The following SMOC2 variants were observed in gnomAD, a reference collection of about 807,000 sequenced individuals.
SMOC2 encodes SPARC related modular calcium binding 2, also known as SPARC-related modular calcium-binding protein 2.
Under a neutral mutation model 61.4 loss-of-function variants are expected in SMOC2, and 39 were observed. That is an observed-to-expected ratio of 0.64 (90% CI 0.49 to 0.83). SMOC2 has a LOEUF of 0.83. SMOC2 is among the 40% of genes least tolerant of loss of function. SMOC2 has a pLI of 0.00. For missense variants in SMOC2, 556 were observed against 592.9 expected (o/e 0.94, Z 0.65); for synonymous variants, 247 against 239.9 (o/e 1.03, Z -0.27).
At chr6:168,506,915 G>A (rs1782884363) in intron 1 of SMOC2, among the ~76,000 whole-genome samples, 1 of 152,170 alleles carries the variant, frequency 6.6e-6, no homozygotes, top group South Asian at 2.1e-4. Flanking sequence ...TTATTAATGA[G>A]CACAACTTAG....
At chr6:168,523,450 C>G (rs9295066) in intron 2 of SMOC2, among the ~76,000 whole-genome samples, 3 of 150,358 alleles carry the variant, frequency 2.0e-5, no homozygotes, top group African/African-American at 7.4e-5. Context: ...TGCAGTGGTG[C>G]GATCTCAGCT....
At chr6:168,449,969 C>T (rs1231941052) in intron 1 of SMOC2, among the ~76,000 whole-genome samples, 2 of 152,206 alleles carry the variant, frequency 1.3e-5, no homozygotes, top group Admixed American at 6.5e-5. Flanking sequence ...CCCTGTGGTC[C>T]TACATTCCCA....
At chr6:168,612,175 A>G (rs1785889841) in intron 9 of SMOC2, among the ~76,000 whole-genome samples, 1 of 151,896 alleles carries the variant, frequency 6.6e-6, no homozygotes, top group South Asian at 2.1e-4. Context: ...GGGTGACCCC[A>G]GCCTTTACCT....
intron 11 of SMOC2, 40 bp downstream of exon 11, chr6:168,653,268 G>A (rs1024839801): frequency 3.8e-6 from 6 of 1,581,154 alleles, no homozygotes; most frequent in East Asian, 4.5e-5. Context: ...CAGTGGTCAG[G>A]CCCTGAGGCC....
intron 1 of SMOC2, among the ~76,000 whole-genome samples, chr6:168,492,332 C>G (rs560555673): frequency 5.9e-5 from 9 of 152,250 alleles, no homozygotes; most frequent in Non-Finnish European, 1.2e-4. Flanking sequence ...ACCCACCTAC[C>G]TTTCCATAGT....
At chr6:168,625,905 C>T (rs991903350) in intron 9 of SMOC2, among the ~76,000 whole-genome samples, 11 of 152,202 alleles carry the variant, frequency 7.2e-5, no homozygotes, top group African/African-American at 1.4e-4. Flanking sequence ...GAGGAGGAAG[C>T]GAATTCCGTG....
intron 1 of SMOC2, among the ~76,000 whole-genome samples, chr6:168,485,347 A>G (rs942948903): frequency 2.0e-5 from 3 of 152,150 alleles, no homozygotes; most frequent in African/African-American, 7.2e-5. Flanking sequence ...ATTGAAAGCA[A>G]AAGTCCTAAA....
At chr6:168,617,360 G>A (rs527598780) in intron 9 of SMOC2, among the ~76,000 whole-genome samples, 1 of 152,314 alleles carries the variant, frequency 6.6e-6, no homozygotes, top group African/African-American at 2.4e-5. Context: ...GTGAATAACT[G>A]AGCAGGGTGG....
At chr6:168,600,766 C>T (rs565960407) in intron 8 of SMOC2, among the ~76,000 whole-genome samples, 4 of 152,188 alleles carry the variant, frequency 2.6e-5, no homozygotes, top group South Asian at 2.1e-4. Flanking sequence ...CCAAATTTAT[C>T]GCTTTTAGAA....
At position 168,526,375 on chromosome 6, in the gene SMOC2, T is replaced by C. The variant is rs778122016; in HGVS notation, c.286T>C (p.Tyr96His). 1.8e-5 allele frequency: 29 copies of C among 1,614,110 alleles called. No individual in the cohort carries two copies. Among genetic ancestry groups the C allele is most frequent in the Non-Finnish European group, 2.5e-5 (29 of 1,180,050 alleles). ...DVSRCVAERK[Y>H]TQEQARKEFQ... ...GTCCAGGTGTGTGGCCGAAAGGAAGTATACCCAGGAGCAAGCCCGGAAGGA... is the reference window on the plus strand; with the variant it reads ...GTCCAGGTGTGTGGCCGAAAGGAAGCATACCCAGGAGCAAGCCCGGAAGGA... The change falls in exon 3 of 13, where the codon TAT becomes CAT. Residue 96 changes from tyrosine (Y) to histidine (H), a missense_variant. Transcript: ENST00000356284.
intron 9 of SMOC2, among the ~76,000 whole-genome samples, chr6:168,623,616 G>A (rs902632430): frequency 4.8e-5 from 7 of 145,950 alleles, no homozygotes; most frequent in African/African-American, 9.8e-5. Flanking sequence ...GATTACAGGC[G>A]TGAGCCACCA....
At chr6:168,541,444 T>C (rs1244201478) in intron 4 of SMOC2, among the ~76,000 whole-genome samples, 2 of 152,200 alleles carry the variant, frequency 1.3e-5, no homozygotes, top group African/African-American at 4.8e-5. Flanking sequence ...CACTTGGAAG[T>C]TCAGCAAATC....
chr6:168,522,146 C>G (rs953069759), intron 2 of SMOC2, among the ~76,000 whole-genome samples: 2 of 152,008 alleles, frequency 1.3e-5, no homozygotes, highest in African/African-American at 4.8e-5. Context: ...ATACTATGAG[C>G]CAAAGTACTA....
At chr6:168,652,426 G>A (rs900999744) in intron 10 of SMOC2, among the ~76,000 whole-genome samples, 1 of 152,182 alleles carries the variant, frequency 6.6e-6, no homozygotes, top group Non-Finnish European at 1.5e-5. Flanking sequence ...CTGCCATTTG[G>A]TGCACTTTTA....
At chr6:168,546,064 AT>A (rs1232472390) in intron 5 of SMOC2, among the ~76,000 whole-genome samples, 1 of 149,394 alleles carries the variant, frequency 6.7e-6, no homozygotes, top group East Asian at 1.9e-4. Context: ...TCAATGTTAA[AT>A]TTTTTTGAAA....
At chr6:168,464,079 T>A (rs1781771154) in intron 1 of SMOC2, among the ~76,000 whole-genome samples, 1 of 151,086 alleles carries the variant, frequency 6.6e-6, no homozygotes, top group African/African-American at 2.4e-5. Context: ...TAATCCCAGC[T>A]ACTTGGGAGG....
At chr6:168,552,663 A>G (rs927235371) in intron 7 of SMOC2, among the ~76,000 whole-genome samples, 2 of 152,224 alleles carry the variant, frequency 1.3e-5, no homozygotes, top group South Asian at 2.1e-4. Context: ...AAAAGGGACT[A>G]TTTTTACAAA....
At chr6:168,636,843 G>GCCTCCCGCCTCCCT (rs1786735423) in intron 9 of SMOC2, among the ~76,000 whole-genome samples, 1 of 145,618 alleles carries the variant, frequency 6.9e-6, no homozygotes, top group Non-Finnish European at 1.5e-5. Flanking sequence ...TGGGGAATAT[G>GCCTCCCGCCTCCCT]CCTCCTGCCT....
At chr6:168,480,313 A>C (rs1209043395) in intron 1 of SMOC2, among the ~76,000 whole-genome samples, 1 of 152,190 alleles carries the variant, frequency 6.6e-6, no homozygotes, top group Non-Finnish European at 1.5e-5. Flanking sequence ...TCTACTTGAC[A>C]AACATTTGAA....
Sources: allele counts gnomAD v4.1 joint callset (sites outside exome capture counted in the v4.1 genomes callset), GRCh38; gene constraint gnomAD v4.1.1; transcripts MANE v1.5; gene names NCBI Gene and HGNC (gene_info 2026-07-23, HGNC 2026-07-21).